Variants in PLXDC2 observed in about 807,000 individuals in gnomAD.
PLXDC2 encodes the protein plexin domain-containing protein 2.
In PLXDC2, 40 loss-of-function variants were observed where a neutral mutation model predicts 68.9. That is an observed-to-expected ratio of 0.58 (90% CI 0.45 to 0.76). PLXDC2 has a LOEUF of 0.76. Ranked by LOEUF, PLXDC2 falls within the 30% of genes least tolerant of loss-of-function variation. PLXDC2 has a pLI of 0.00. For missense variants in PLXDC2, 644 were observed against 661.9 expected, an observed-to-expected ratio of 0.97 and a Z score of 0.30; for synonymous variants, 243 against 234.2, an observed-to-expected ratio of 1.04 and a Z score of -0.34.
chr10:20,020,328 A>C (rs1835285660), intron 2 of PLXDC2, among the ~76,000 whole-genome samples: 1 of 151,842 alleles, frequency 6.6e-6, no homozygotes, highest in Non-Finnish European at 1.5e-5. Flanking sequence ...GAATCCTGTG[A>C]CTGGCTGCAT....
chr10:20,181,454 A>T (rs190381562), intron 9 of PLXDC2, among the ~76,000 whole-genome samples: 23 of 152,160 alleles, frequency 1.5e-4, no homozygotes, highest in African/African-American at 5.3e-4. Flanking sequence ...TCAGATAGTG[A>T]TGGATTGTCT....
intron 1 of PLXDC2, among the ~76,000 whole-genome samples, chr10:19,908,871 G>A (rs922664750): frequency 2.0e-5 from 3 of 152,066 alleles, no homozygotes; most frequent in African/African-American, 7.2e-5. Flanking sequence ...CAATGAGAAG[G>A]CGACCTTGCT....
At chr10:19,977,685 C>T (rs1834481332) in intron 1 of PLXDC2, among the ~76,000 whole-genome samples, 1 of 152,040 alleles carries the variant, frequency 6.6e-6, no homozygotes, top group African/African-American at 2.4e-5. Context: ...CTGGTGAGGA[C>T]TCTTTCCGGG....
At chr10:20,042,437 A>G (rs1245369711) in intron 2 of PLXDC2, among the ~76,000 whole-genome samples, 1 of 152,210 alleles carries the variant, frequency 6.6e-6, no homozygotes, top group South Asian at 2.1e-4. Context: ...TTCAAATTAT[A>G]ATCTTCCTTT....
intron 6 of PLXDC2, among the ~76,000 whole-genome samples, chr10:20,151,869 C>T (rs1463849843): frequency 6.6e-6 from 1 of 151,910 alleles, no homozygotes; most frequent in Non-Finnish European, 1.5e-5. Context: ...AGGCTAACAC[C>T]AGCTTTGTTT....
intron 12 of PLXDC2, among the ~76,000 whole-genome samples, chr10:20,239,161 TA>T (rs1835480729): frequency 6.6e-6 from 1 of 152,212 alleles, no homozygotes; most frequent in South Asian, 2.1e-4. Flanking sequence ...TACGTTTTAC[TA>T]AGTATGTGAG....
At chr10:19,984,501 G>T (rs1391682433) in intron 1 of PLXDC2, among the ~76,000 whole-genome samples, 1 of 152,136 alleles carries the variant, frequency 6.6e-6, no homozygotes, top group African/African-American at 2.4e-5. Context: ...TTTCCTCTGG[G>T]GAAATGTAAG....
intron 10 of PLXDC2, among the ~76,000 whole-genome samples, chr10:20,213,940 C>G (rs981560030): frequency 2.0e-5 from 3 of 152,064 alleles, no homozygotes; most frequent in African/African-American, 7.2e-5. Context: ...TATGTAATCT[C>G]TTTCCTTATT....
chr10:20,092,266 T>C (rs1833289907), intron 4 of PLXDC2, among the ~76,000 whole-genome samples: 1 of 152,216 alleles, frequency 6.6e-6, no homozygotes, highest in African/African-American at 2.4e-5. Context: ...ACTTAAAATA[T>C]ATTTACTTTA....
chr10:20,219,919 T>A (rs1162919582), intron 12 of PLXDC2, among the ~76,000 whole-genome samples: 1 of 152,102 alleles, frequency 6.6e-6, no homozygotes, highest in Non-Finnish European at 1.5e-5. Flanking sequence ...AATATACACA[T>A]GTTAAGCATG....
At chr10:19,939,146 C>G (rs1419719967) in intron 1 of PLXDC2, among the ~76,000 whole-genome samples, 1 of 152,182 alleles carries the variant, frequency 6.6e-6, no homozygotes, top group Non-Finnish European at 1.5e-5. Flanking sequence ...AAGGGATAAA[C>G]AGGTGCAAAT....
chr10:20,129,383 T>C (rs1466067535), intron 4 of PLXDC2, among the ~76,000 whole-genome samples: 1 of 152,070 alleles, frequency 6.6e-6, no homozygotes, highest in Non-Finnish European at 1.5e-5. Flanking sequence ...CCTTAGCAGA[T>C]ATGTAATTTG....
intron 1 of PLXDC2, among the ~76,000 whole-genome samples, chr10:19,890,591 G>A (rs1406359440): frequency 7.2e-6 from 1 of 139,356 alleles, no homozygotes; most frequent in Non-Finnish European, 1.5e-5. Context: ...TAGCCAGGAT[G>A]GTCTCAATCT....
At chr10:20,053,838 G>C (rs976358816) in intron 3 of PLXDC2, among the ~76,000 whole-genome samples, 3 of 151,938 alleles carry the variant, frequency 2.0e-5, no homozygotes, top group Non-Finnish European at 4.4e-5. Flanking sequence ...TGGAAGAAAG[G>C]GGGTAAAAAT....
chr10:20,271,516 G>A (rs145620711), intron 13 of PLXDC2, among the ~76,000 whole-genome samples: 11 of 152,296 alleles, frequency 7.2e-5, no homozygotes, highest in Admixed American at 4.6e-4. Context: ...AAATTAGAGT[G>A]TGATTCTTTG....
intron 1 of PLXDC2, among the ~76,000 whole-genome samples, chr10:19,984,773 A>T (rs547338037): frequency 6.6e-6 from 1 of 152,250 alleles, no homozygotes; most frequent in South Asian, 2.1e-4. Flanking sequence ...CAGTATCCCC[A>T]GGGGTCTTTG....
At chr10:19,945,148 A>G (rs904029321) in intron 1 of PLXDC2, among the ~76,000 whole-genome samples, 1 of 152,224 alleles carries the variant, frequency 6.6e-6, no homozygotes, top group Non-Finnish European at 1.5e-5. Context: ...CCTTTAAAAT[A>G]TGTAAAGAGT....
At chr10:19,915,243 G>A (rs1351265495) in intron 1 of PLXDC2, among the ~76,000 whole-genome samples, 3 of 151,994 alleles carry the variant, frequency 2.0e-5, no homozygotes, top group East Asian at 1.9e-4. Context: ...AACATTTTTA[G>A]TGTTCCATTT....
intron 9 of PLXDC2, among the ~76,000 whole-genome samples, chr10:20,197,017 T>C (rs1834849086): frequency 6.6e-6 from 1 of 152,138 alleles, no homozygotes; most frequent in Non-Finnish European, 1.5e-5. Context: ...CGATGCAATG[T>C]GCTCCCAAAT....
Sources: allele counts gnomAD v4.1 joint callset (sites outside exome capture counted in the v4.1 genomes callset), GRCh38; gene constraint gnomAD v4.1.1; transcripts MANE v1.5; gene names NCBI Gene and HGNC (gene_info 2026-07-23, HGNC 2026-07-21).